Variants in CDK2AP1 observed in about 807,000 individuals in gnomAD.
CDK2AP1 encodes cyclin-dependent kinase 2-associated protein 1.
A neutral mutation model predicts 14.1 loss-of-function variants in CDK2AP1; 10 were observed. The ratio of observed to expected loss-of-function variants is 0.71; its 90% confidence interval spans 0.44 to 1.20. CDK2AP1 has a LOEUF of 1.20. Among genes scored for constraint, CDK2AP1 ranks in the 50% most tolerant of loss-of-function variants. CDK2AP1 has a pLI of 0.00. For synonymous variants in CDK2AP1, 59 were observed against 59.8 expected (o/e 0.99, Z 0.06); for missense variants, 102 against 149.9 (o/e 0.68, Z 1.67).
In CDK2AP1 at chr12:123,261,708, T is replaced by C. The variant is rs766714068; in HGVS notation, c.*28A>G. 11 of 1,587,528 alleles carry C rather than the reference T, an allele frequency of 6.9e-6. No homozygotes were observed. The highest frequency in any genetic ancestry group is 1.7e-4 in the Middle Eastern group (1 of 6,036). ...TGTAACTTCTCATCTTGTAAAAAGATGGAAATCCTTCAAAACCAACAAGGC... is the reference window on the plus strand; with the variant it reads ...TGTAACTTCTCATCTTGTAAAAAGACGGAAATCCTTCAAAACCAACAAGGC... On this transcript the variant is annotated 3_prime_UTR_variant, in exon 4 of 4. Coordinates refer to ENST00000261692, the MANE Select transcript of CDK2AP1 (RefSeq NM_004642.4).
In CDK2AP1 at chr12:123,261,511, A is replaced by C. The variant is rs1221330550; in HGVS notation, c.*225T>G. Reference sequence around the variant, plus strand: ...CATCTTTTAAATCAATGCTTAAAAAACAAAAAAAACCTGGGCAGTTCCTAA... The same window carrying C: ...CATCTTTTAAATCAATGCTTAAAAACCAAAAAAAACCTGGGCAGTTCCTAA... On this transcript the variant is annotated 3_prime_UTR_variant, in exon 4 of 4. Coordinates refer to ENST00000261692, the MANE Select transcript of CDK2AP1 (RefSeq NM_004642.4). The C allele has an allele frequency of 2.1e-6, 1 of 472,104 alleles. No individual in the cohort carries two copies. Among genetic ancestry groups the C allele is most frequent in the Non-Finnish European group, 3.8e-6 (1 of 264,066 alleles). 29.2% of individuals were successfully genotyped at this position (472,104 alleles called of 1,614,324 possible). A position where few individuals can be genotyped will look rare whatever the true frequency, so the allele number is the denominator to read the frequency against.
intron 3 of CDK2AP1, among the ~76,000 whole-genome samples, chr12:123,263,033 G>A (rs1045055173): frequency 6.6e-6 from 1 of 151,672 alleles, no homozygotes; most frequent in Admixed American, 6.6e-5. Flanking sequence ...GGCCAACATG[G>A]TACAACCCCA....
rs1293240387 is a variant in CDK2AP1 at position 123,265,121 on chromosome 12, A to G, written c.280+75T>C. The G allele has an allele frequency of 1.3e-6, 2 of 1,592,794 alleles. No homozygotes were observed. Among genetic ancestry groups the G allele is most frequent in the African/African-American group, 1.3e-5 (1 of 74,392 alleles). ...CCTCATCCCTAGCCCACCTTCCCAC[A>G]TTTTCCCCAAAAGTCTTTCCAGAGT... On this transcript the variant is annotated intron_variant, in intron 3 of 3. Coordinates refer to ENST00000261692, the MANE Select transcript of CDK2AP1 (RefSeq NM_004642.4). The surrounding 1 kb of genome is among the most constrained non-coding windows in gnomAD (Gnocchi z 5.3).
At chr12:123,269,636 C>G (rs961433137) in intron 1 of CDK2AP1, among the ~76,000 whole-genome samples, 5 of 152,104 alleles carry the variant, frequency 3.3e-5, no homozygotes, top group African/African-American at 1.2e-4. Context: ...AGCGCGGGGC[C>G]TGGGGAGCTG....
chr12:123,267,369 A>G, intron 1 of CDK2AP1, 87 bp from the exon 2 acceptor site: 1 of 786,694 alleles, frequency 1.3e-6, no homozygotes, highest in Non-Finnish European at 2.3e-6. Context: ...GCCCTTGCCC[A>G]GGACCCACAC....
intron 1 of CDK2AP1, chr12:123,271,003 G>A (rs942318757): frequency 1.9e-5 from 19 of 981,510 alleles, no homozygotes; most frequent in Non-Finnish European, 2.3e-5. Flanking sequence ...TCCCAGTCCC[G>A]GCGGCCCCGC....
chr12:123,266,504 GC>G (rs1329864250), intron 2 of CDK2AP1, among the ~76,000 whole-genome samples: 2 of 152,270 alleles, frequency 1.3e-5, no homozygotes, highest in African/African-American at 4.8e-5. Flanking sequence ...GCCAGGGAGA[GC>G]ATCTTCCCGC....
intron 3 of CDK2AP1, chr12:123,262,017 T>C (rs1397882495): frequency 4.4e-6 from 2 of 453,140 alleles, no homozygotes; most frequent in African/African-American, 4.0e-5. Context: ...CAACTCTTCC[T>C]GTCTCTCTAA....
chr12:123,265,278 C>G lies in CDK2AP1; in HGVS notation c.198G>C (p.Leu66=). The G allele has an allele frequency of 3.1e-6, 5 of 1,614,170 alleles. No homozygotes were observed. Among genetic ancestry groups the G allele is most frequent in the Non-Finnish European group, 4.2e-6 (5 of 1,179,994 alleles). ...SQVPQSKYAE[L]LAIIEELGKE... The stretch of plus-strand genomic sequence containing the variant: ...TCCCCAGCTCTTCAATGATGGCCAG[C>G]AGCTCCGCGTATTTGCTTTGGGGCA... The change falls in exon 3 of 4, where the codon CTG becomes CTC. Residue 66 remains leucine, a synonymous_variant. Transcript: ENST00000261692. This position sits in a 1 kb window ranked among gnomAD's most constrained non-coding sequence, Gnocchi z 5.3.
intron 3 of CDK2AP1, among the ~76,000 whole-genome samples, chr12:123,263,553 G>A (rs567821636): frequency 1.4e-4 from 22 of 152,288 alleles, no homozygotes; most frequent in African/African-American, 5.1e-4. Context: ...CCGGAGAGCA[G>A]CCCTGGGACC....
At chr12:123,268,833 C>T (rs977361417) in intron 1 of CDK2AP1, among the ~76,000 whole-genome samples, 6 of 152,218 alleles carry the variant, frequency 3.9e-5, no homozygotes, top group Admixed American at 6.5e-5. Context: ...ACTACATCAG[C>T]CAAACCCCAG....
intron 1 of CDK2AP1, chr12:123,269,241 A>C (rs2138822906): frequency 6.6e-6 from 1 of 152,438 alleles, no homozygotes; most frequent in South Asian, 2.1e-4. Context: ...TCCCAAGAGA[A>C]GGTCTATGGG....
At chr12:123,268,172 GTCC>G (rs1372468161) in intron 1 of CDK2AP1, 1 of 983,898 alleles carries the variant, frequency 1.0e-6, no homozygotes, top group Non-Finnish European at 1.2e-6. Flanking sequence ...AATTTACCTA[GTCC>G]TCCTCGGCAG....
At chr12:123,268,729 T>G (rs1593298121) in intron 1 of CDK2AP1, among the ~76,000 whole-genome samples, 1 of 151,880 alleles carries the variant, frequency 6.6e-6, no homozygotes. Context: ...TAGGGGCGGG[T>G]TGCTTGGGAG....
intron 1 of CDK2AP1, among the ~76,000 whole-genome samples, chr12:123,268,637 AC>A (rs1203545822): frequency 1.3e-5 from 2 of 152,228 alleles, no homozygotes; most frequent in Non-Finnish European, 2.9e-5. Flanking sequence ...TGGGCAGAGC[AC>A]CGTGCCACTC....
At chr12:123,262,154 G>T in intron 3 of CDK2AP1, 1 of 212,046 alleles carries the variant, frequency 4.7e-6, no homozygotes, top group Non-Finnish European at 9.6e-6. Flanking sequence ...GGCTTCTTCA[G>T]TCTGAATTCT....
chr12:123,264,462 CAAAAAAAAAAAAAAAAAA>C (rs1167157405), intron 3 of CDK2AP1, among the ~76,000 whole-genome samples: 6 of 69,860 alleles, frequency 8.6e-5, no homozygotes, highest in African/African-American at 3.6e-4. Flanking sequence ...CTCCGTCTCC[CAAAAAAAAAAAAAAAAAA>C]AAAAAAAAAA....
At chr12:123,262,041 C>A in intron 3 of CDK2AP1, 1 of 418,864 alleles carries the variant, frequency 2.4e-6, no homozygotes, top group South Asian at 4.7e-5. Flanking sequence ...TTTTTTCCTG[C>A]ATTCAAGGTG....
chr12:123,264,041 G>A (rs570366604), intron 3 of CDK2AP1, among the ~76,000 whole-genome samples: 12 of 151,964 alleles, frequency 7.9e-5, no homozygotes, highest in African/African-American at 1.4e-4. Flanking sequence ...CCCGGGAGGC[G>A]GAGGTTGCAG....
Sources: allele counts gnomAD v4.1 joint callset (sites outside exome capture counted in the v4.1 genomes callset), GRCh38; gene constraint gnomAD v4.1.1; non-coding constraint Gnocchi (gnomAD v3.1); transcripts MANE v1.5; gene names NCBI Gene and HGNC (gene_info 2026-07-23, HGNC 2026-07-21).